The following GAREM1 variants were observed in gnomAD, a reference collection of about 807,000 sequenced individuals.
GAREM1 encodes the protein GRB2 associated regulator of MAPK1 subtype 1.
GAREM1 carries 26 observed loss-of-function variants against 71.3 expected under a neutral mutation model. The observed-to-expected ratio is 0.36, with a 90% CI of 0.27 to 0.51. The LOEUF (loss-of-function observed/expected upper bound fraction) is 0.51, where lower values mean the gene tolerates loss of function less well. GAREM1 is among the 20% of genes least tolerant of loss of function. The pLI, the probability that GAREM1 is intolerant of heterozygous loss-of-function variation, is 0.95. For missense variants in GAREM1, 1,026 were observed against 1,103.1 expected (o/e 0.93, Z 0.99); for synonymous variants, 440 against 433.2 (o/e 1.02, Z -0.20).
In GAREM1 at chr18:32,331,401, A is replaced by G. The variant is rs555718988; in HGVS notation, c.263-21078T>C. ...AGCTTTCAGCGATTTATCCAAATGT[A>G]TATTAAACTGTTAAATGTTAACACT... On this transcript the variant is annotated intron_variant, in intron 2 of 5. Coordinates refer to ENST00000269209, the MANE Select transcript of GAREM1 (RefSeq NM_001242409.2). Among the ~76,000 whole-genome samples, 12 of 152,340 alleles carry G rather than the reference A, an allele frequency of 7.9e-5. 1 individual carries two copies. The South Asian group carries it at 2.5e-3, about 32-fold the overall frequency.
At chr18:32,368,144 C>T (rs1378285391) in intron 2 of GAREM1, among the ~76,000 whole-genome samples, 18 of 151,774 alleles carry the variant, frequency 1.2e-4, no homozygotes. Flanking sequence ...GCTTTCGTTC[C>T]CTCCTCCCCT....
chr18:32,466,790 T>C (rs1489740916), intron 1 of GAREM1, among the ~76,000 whole-genome samples: 1 of 152,198 alleles, frequency 6.6e-6, no homozygotes, highest in Non-Finnish European at 1.5e-5. Context: ...AGTTTAAATA[T>C]CTGATCTTAA....
chr18:32,460,324 C>T (rs2048944171), intron 1 of GAREM1, among the ~76,000 whole-genome samples: 1 of 152,140 alleles, frequency 6.6e-6, no homozygotes, highest in Non-Finnish European at 1.5e-5. Context: ...AAAGTGTCTT[C>T]ATAACTATAA....
intron 1 of GAREM1, among the ~76,000 whole-genome samples, chr18:32,433,822 T>C (rs558483726): frequency 6.6e-6 from 1 of 152,258 alleles, no homozygotes; most frequent in South Asian, 2.1e-4. Context: ...AGAAATAGCA[T>C]GTTCATGGAT....
intron 1 of GAREM1, among the ~76,000 whole-genome samples, chr18:32,436,801 G>T (rs1020953819): frequency 2.0e-5 from 3 of 152,110 alleles, no homozygotes; most frequent in Admixed American, 2.0e-4. Context: ...TATGTAACTG[G>T]GAGGTACTGA....
chr18:32,319,958 T>C (rs908667729), intron 2 of GAREM1, among the ~76,000 whole-genome samples: 15 of 152,200 alleles, frequency 9.9e-5, no homozygotes, highest in African/African-American at 1.7e-4. Flanking sequence ...CCCAGTGATG[T>C]TGAAGTTAAA....
At chr18:32,356,921 T>G (rs1386273837) in intron 2 of GAREM1, among the ~76,000 whole-genome samples, 2 of 152,182 alleles carry the variant, frequency 1.3e-5, no homozygotes, top group Non-Finnish European at 2.9e-5. Flanking sequence ...ATCAATGGCT[T>G]TCCATTGTAT....
intron 1 of GAREM1, chr18:32,412,178 T>C: frequency 3.9e-6 from 6 of 1,527,254 alleles, no homozygotes; most frequent in Non-Finnish European, 5.4e-6. Context: ...CTGTCACTTC[T>C]CTGGCTCTCC....
At chr18:32,321,540 C>T (rs1451091729) in intron 2 of GAREM1, among the ~76,000 whole-genome samples, 4 of 152,194 alleles carry the variant, frequency 2.6e-5, no homozygotes, top group Non-Finnish European at 5.9e-5. Flanking sequence ...AATTCCACAT[C>T]AGCCTATCCA....
intron 3 of GAREM1, among the ~76,000 whole-genome samples, chr18:32,303,158 G>C (rs936995133): frequency 6.6e-6 from 1 of 152,180 alleles, no homozygotes; most frequent in South Asian, 2.1e-4. Context: ...ATCTATGCTG[G>C]AACAGCTGAA....
At chr18:32,400,955 A>G (rs1417535558) in intron 1 of GAREM1, among the ~76,000 whole-genome samples, 1 of 152,362 alleles carries the variant, frequency 6.6e-6, no homozygotes, top group South Asian at 2.1e-4. Flanking sequence ...CAGGATTAAG[A>G]AAATGTGGCA....
intron 1 of GAREM1, among the ~76,000 whole-genome samples, chr18:32,404,109 T>C (rs1185678857): frequency 6.6e-6 from 1 of 152,208 alleles, no homozygotes; most frequent in Non-Finnish European, 1.5e-5. Context: ...TTGTCCAAAT[T>C]GTCATTACCT....
rs1243117940 is a variant in GAREM1, at chr18:32,265,075, C to G, written c.*2796G>C. 3 of 152,202 alleles carry G rather than the reference C, an allele frequency of 2.0e-5. No individual in the cohort carries two copies. The highest frequency in any genetic ancestry group is 6.5e-5 in the Admixed American group (1 of 15,282). 9.4% of individuals were successfully genotyped at this position (152,202 alleles called of 1,614,324 possible). On this transcript the variant is annotated 3_prime_UTR_variant, in exon 6 of 6. Transcript: ENST00000269209. ...GCTTCTCGAAAGGGAAGGGCTTTCT[C>G]CTTATTATCCCTGCTTTGCATATCT...
chr18:32,470,218 G>A lies in GAREM1; in HGVS notation c.121+90C>T. 2.3e-6 allele frequency: 3 copies of A among 1,290,908 alleles called. No homozygotes were observed. Among genetic ancestry groups the A allele is most frequent in the Non-Finnish European group, 3.0e-6 (3 of 1,013,334 alleles). 80.0% of individuals were successfully genotyped at this position (1,290,908 alleles called of 1,614,324 possible). ...CTCAGGGGCGGGCAGCCCACTCCCCGCGGGTCCCACCCTCTCCAGCACACG... is the reference window on the plus strand; with the variant it reads ...CTCAGGGGCGGGCAGCCCACTCCCCACGGGTCCCACCCTCTCCAGCACACG... On this transcript the variant is annotated intron_variant, in intron 1 of 5. Coordinates refer to ENST00000269209, the MANE Select transcript of GAREM1 (RefSeq NM_001242409.2). This position sits in a 1 kb window ranked among gnomAD's most constrained non-coding sequence, Gnocchi z 4.4.
chr18:32,426,855 A>G (rs1389220846), intron 1 of GAREM1, among the ~76,000 whole-genome samples: 1 of 152,198 alleles, frequency 6.6e-6, no homozygotes, highest in Non-Finnish European at 1.5e-5. Context: ...TGCATTTTTA[A>G]TGGCATTATA....
At position 32,270,210 on chromosome 18, in the gene GAREM1, G is replaced by A; in HGVS notation, c.1733+7C>T. The stretch of plus-strand genomic sequence containing the variant: ...AGCGTGCAGTGGGACCTGGCAGGAA[G>A]ACTTACATGTTGTGTAGCCCTGAAG... On this transcript the variant is annotated splice_region_variant and intron_variant, in intron 5 of 5. Transcript: ENST00000269209. 6.2e-7 allele frequency: 1 copy of A among 1,613,532 alleles called. No individual in the cohort carries two copies. Among genetic ancestry groups the A allele is most frequent in the South Asian group, 1.1e-5 (1 of 90,832 alleles).
At chr18:32,364,387 C>T (rs552841456) in intron 2 of GAREM1, among the ~76,000 whole-genome samples, 84 of 151,912 alleles carry the variant, frequency 5.5e-4, no homozygotes, top group Non-Finnish European at 4.7e-4. Flanking sequence ...CTGTCTTCAC[C>T]GCTCCGCCCC....
intron 1 of GAREM1, among the ~76,000 whole-genome samples, chr18:32,436,895 G>T (rs1000042470): frequency 6.6e-6 from 1 of 152,004 alleles, no homozygotes; most frequent in African/African-American, 2.4e-5. Context: ...TTACTAGCTG[G>T]GGGACCTTAA....
chr18:32,318,052 T>C (rs941587527), intron 2 of GAREM1, among the ~76,000 whole-genome samples: 7 of 152,224 alleles, frequency 4.6e-5, no homozygotes, highest in Admixed American at 6.5e-5. Flanking sequence ...GGAAGCTGCA[T>C]TGTCTTTCAG....
Sources: gnomAD v4.1 joint callset for allele counts (sites outside exome capture counted in the v4.1 genomes callset) on GRCh38, gnomAD v4.1.1 for gene constraint, Gnocchi (gnomAD v3.1) non-coding constraint, MANE v1.5 for transcripts, NCBI Gene and HGNC (gene_info 2026-07-23, HGNC 2026-07-21) for gene names.